Variants in MBD5 observed in about 807,000 individuals in gnomAD.
The protein encoded by MBD5 is methyl-CpG binding domain protein 5.
MBD5 carries 13 observed loss-of-function variants against 117.3 expected under a neutral mutation model. The observed-to-expected ratio is 0.11, with a 90% CI of 0.07 to 0.18. The LOEUF (loss-of-function observed/expected upper bound fraction) is 0.18, where lower values mean the gene tolerates loss of function less well. MBD5 is among the 10% of genes least tolerant of loss of function. The pLI is 1.00. For missense variants in MBD5, 1,879 were observed against 2,093.8 expected, an observed-to-expected ratio of 0.90 and a Z score of 2.00; for synonymous variants, 727 against 766.4, an observed-to-expected ratio of 0.95 and a Z score of 0.85.
At chr2:148,422,490 A>G (rs1442353915) in intron 4 of MBD5, among the ~76,000 whole-genome samples, 1 of 152,174 alleles carries the variant, frequency 6.6e-6, no homozygotes, top group Non-Finnish European at 1.5e-5. Context: ...ACCAGCGCAA[A>G]AAGGCTGAAA....
intron 2 of MBD5, among the ~76,000 whole-genome samples, chr2:148,202,820 G>A (rs926354021): frequency 1.3e-5 from 2 of 151,960 alleles, no homozygotes; most frequent in Non-Finnish European, 2.9e-5. Flanking sequence ...TTGAGGTCAG[G>A]AGTTCGAGAC....
At chr2:148,087,443 A>T (rs1695823814) in intron 1 of MBD5, among the ~76,000 whole-genome samples, 1 of 152,204 alleles carries the variant, frequency 6.6e-6, no homozygotes, top group Non-Finnish European at 1.5e-5. Flanking sequence ...AAACACTTCT[A>T]CAACCAATTA....
At chr2:148,242,144 A>G (rs1700228336) in intron 3 of MBD5, among the ~76,000 whole-genome samples, 1 of 152,168 alleles carries the variant, frequency 6.6e-6, no homozygotes, top group South Asian at 2.1e-4. Context: ...GCTTTAGAAT[A>G]TTAAATGTGA....
intron 1 of MBD5, chr2:148,027,860 T>C (rs929088923): frequency 2.6e-5 from 4 of 152,164 alleles, no homozygotes; most frequent in African/African-American, 4.8e-5. Flanking sequence ...TGCAAATGTT[T>C]TGTTGCTTAT....
chr2:148,270,308 G>A lies in MBD5; in HGVS notation c.-680+36913G>A, dbSNP rs188560845. ...TCAAAGGTGATTTTTCTGATAGAGA[G>A]CATTGCCTCTCATTCTAGCCATCCT... On this transcript the variant is annotated intron_variant, in intron 3 of 13. Coordinates refer to ENST00000642680, the MANE Select transcript of MBD5 (RefSeq NM_001378120.1). Among the ~76,000 whole-genome samples the A allele has an allele frequency of 6.3e-4, 96 of 151,972 alleles. 3 individuals are homozygous for A. The highest frequency in any genetic ancestry group is 5.3e-3 in the Admixed American group (81 of 15,252).
chr2:148,215,265 A>G (rs1699523422), intron 2 of MBD5, among the ~76,000 whole-genome samples: 1 of 152,190 alleles, frequency 6.6e-6, no homozygotes, highest in Non-Finnish European at 1.5e-5. Flanking sequence ...GCCAGCCCCC[A>G]AAATAGTGTC....
chr2:148,471,178 A>G (rs1680785053), intron 8 of MBD5: 1 of 152,140 alleles, frequency 6.6e-6, no homozygotes, highest in South Asian at 2.1e-4. Flanking sequence ...AACCATTTTT[A>G]TCATTGACAT....
At chr2:148,224,128 T>G (rs938241685) in intron 2 of MBD5, among the ~76,000 whole-genome samples, 1 of 152,162 alleles carries the variant, frequency 6.6e-6, no homozygotes, top group Non-Finnish European at 1.5e-5. Context: ...TAAGATTTGT[T>G]TTGTGACCTA....
At chr2:148,253,691 G>A (rs1308463201) in intron 3 of MBD5, among the ~76,000 whole-genome samples, 2 of 152,154 alleles carry the variant, frequency 1.3e-5, no homozygotes, top group Non-Finnish European at 2.9e-5. Context: ...GGTGAGTGGC[G>A]GGTAGCTGGA....
intron 10 of MBD5, among the ~76,000 whole-genome samples, chr2:148,487,752 C>G (rs1400766447): frequency 2.6e-5 from 4 of 152,126 alleles, no homozygotes; most frequent in African/African-American, 9.7e-5. Flanking sequence ...CACACACACA[C>G]ACACTACTAT....
intron 3 of MBD5, among the ~76,000 whole-genome samples, chr2:148,235,460 T>A (rs563056329): frequency 3.3e-5 from 5 of 152,228 alleles, no homozygotes; most frequent in Non-Finnish European, 7.3e-5. Flanking sequence ...TGTGACCATG[T>A]AATTAATAAG....
intron 12 of MBD5, among the ~76,000 whole-genome samples, chr2:148,506,436 T>C (rs1682034482): frequency 6.6e-6 from 1 of 152,232 alleles, no homozygotes; most frequent in Admixed American, 6.5e-5. Flanking sequence ...GAATGATACT[T>C]ACCATGTTAA....
chr2:148,121,399 AAC>A (rs929148277), intron 1 of MBD5, among the ~76,000 whole-genome samples: 2 of 151,944 alleles, frequency 1.3e-5, no homozygotes, highest in East Asian at 3.9e-4. Flanking sequence ...CTTTATTTCT[AAC>A]TTTTGGGTTT....
chr2:148,221,661 C>A (rs527322920), intron 2 of MBD5, among the ~76,000 whole-genome samples: 1 of 152,086 alleles, frequency 6.6e-6, no homozygotes, highest in Non-Finnish European at 1.5e-5. Context: ...TAGTTATTAA[C>A]CCCTAGTCTG....
At chr2:148,442,525 T>C (rs540481220) in intron 4 of MBD5, among the ~76,000 whole-genome samples, 1 of 151,206 alleles carries the variant, frequency 6.6e-6, no homozygotes, top group East Asian at 1.9e-4. Flanking sequence ...TAGTAATAAA[T>C]ACTAAGGAGA....
chr2:148,483,979 A>G lies in MBD5; in HGVS notation c.3388A>G (p.Thr1130Ala). ...TACATCATCAGCAGTGGCAGCACTG[A>G]CTGTCTCAACACTTGGTGGGACAGC... ...TTTSSAVAAL[T>A]VSTLGGTAVV... The change falls in exon 9 of 14, where the codon ACT (threonine) becomes GCT (alanine). Residue 1130 changes from threonine to alanine, a missense_variant. Thr to Ala is a moderately conservative substitution (Grantham distance 58). Coordinates refer to ENST00000642680, the MANE Select transcript of MBD5 (RefSeq NM_001378120.1). 6.4e-7 allele frequency: 1 copy of G among 1,550,480 alleles called. No individual in the cohort carries two copies. Among genetic ancestry groups the G allele is most frequent in the East Asian group, 2.4e-5 (1 of 40,914 alleles).
At chr2:148,043,978 G>T (rs1694447340) in intron 1 of MBD5, among the ~76,000 whole-genome samples, 1 of 152,178 alleles carries the variant, frequency 6.6e-6, no homozygotes, top group African/African-American at 2.4e-5. Flanking sequence ...GTCGGATCCA[G>T]TGTAAATTTT....
At position 148,468,578 on chromosome 2, in the gene MBD5, C is replaced by T; in HGVS notation, c.635C>T (p.Ser212Phe). 6.2e-7 allele frequency: 1 copy of T among 1,613,950 alleles called. No homozygotes were observed. The highest frequency in any genetic ancestry group is 2.2e-5 in the East Asian group (1 of 44,872). Residue 212 changes from serine to phenylalanine, a missense_variant, in exon 8 of 14, where the codon TCT (serine) becomes TTT (phenylalanine). By Grantham distance (155) the Ser-to-Phe change is radical. This residue lies in a region of MBD5 where 1,666 missense variants were observed against 1,792.2 expected (regional missense o/e 0.93). Coordinates refer to ENST00000642680, the MANE Select transcript of MBD5 (RefSeq NM_001378120.1). ...RLGSSEHGQK[S>F]PFRGSHGGLP... Reference sequence around the variant, plus strand: ...GGCAGCAGTGAACATGGACAGAAATCTCCATTCCGTGGCAGCCATGGAGGC... The same window carrying T: ...GGCAGCAGTGAACATGGACAGAAATTTCCATTCCGTGGCAGCCATGGAGGC...
chr2:148,064,133 T>G (rs548197808), intron 1 of MBD5, among the ~76,000 whole-genome samples: 1 of 147,424 alleles, frequency 6.8e-6, no homozygotes, highest in Non-Finnish European at 1.5e-5. Context: ...TTTTTCTTTT[T>G]TTTTTTTTTT....
Sources: gnomAD v4.1 joint callset for allele counts (sites outside exome capture counted in the v4.1 genomes callset) on GRCh38, gnomAD v4.1.1 for gene constraint, gnomAD v4.1.1 regional missense constraint, MANE v1.5 for transcripts, NCBI Gene and HGNC (gene_info 2026-07-23, HGNC 2026-07-21) for gene names.